Variants in FAM117B observed in about 807,000 individuals in gnomAD.
FAM117B encodes protein FAM117B.
FAM117B carries 22 observed loss-of-function variants against 52.8 expected under a neutral mutation model. The observed-to-expected ratio is 0.42, with a 90% CI of 0.30 to 0.59. FAM117B has a LOEUF of 0.59. FAM117B is among the 20% of genes least tolerant of loss of function. The pLI, the probability that FAM117B is intolerant of heterozygous loss-of-function variation, is 0.22. For missense variants in FAM117B, 678 were observed against 802.6 expected (o/e 0.84, Z 1.88); for synonymous variants, 309 against 324.1 (o/e 0.95, Z 0.50).
At chr2:202,658,442 A>G (rs2105760096) in intron 1 of FAM117B, among the ~76,000 whole-genome samples, 1 of 152,152 alleles carries the variant, frequency 6.6e-6, no homozygotes, top group African/African-American at 2.4e-5. Flanking sequence ...TCCTGGGACT[A>G]CAGGCATGAG....
At chr2:202,751,180 G>A (rs543454107) in intron 4 of FAM117B, among the ~76,000 whole-genome samples, 3 of 152,250 alleles carry the variant, frequency 2.0e-5, no homozygotes, top group African/African-American at 7.2e-5. Flanking sequence ...CCTAAAAATT[G>A]CATCATTCTT....
intron 2 of FAM117B, among the ~76,000 whole-genome samples, chr2:202,713,402 A>G (rs1690987150): frequency 6.6e-6 from 1 of 152,048 alleles, no homozygotes; most frequent in Non-Finnish European, 1.5e-5. Context: ...GATTTTATTT[A>G]TTTAGATCTC....
intron 4 of FAM117B, among the ~76,000 whole-genome samples, chr2:202,730,093 T>C (rs1445712910): frequency 6.6e-6 from 1 of 152,224 alleles, no homozygotes; most frequent in Non-Finnish European, 1.5e-5. Context: ...AATAGTTGAA[T>C]TCTATTAAAA....
rs1454045289 is a variant in FAM117B, at chr2:202,720,906, C to G, written c.754-4011C>G. 3.3e-5 allele frequency among the ~76,000 whole-genome samples: 5 copies of G among 152,274 alleles called. No homozygotes were observed. The East Asian group carries it at 9.6e-4, about 29-fold the overall frequency. On this transcript the variant is annotated intron_variant, in intron 2 of 7. Coordinates refer to ENST00000392238, the MANE Select transcript of FAM117B (RefSeq NM_173511.4). ...TTTCACTTCCATTGATGATCCTTGC[C>G]TACTTCAGTTGTTTTCTTGGAGGTT...
In FAM117B at chr2:202,676,681, T is replaced by A. The variant is rs924061756; in HGVS notation, c.602-19200T>A. ...ATGTGGGCCACCGCGCCTGGTCAGA[T>A]GTTCATTGTTTTAAGCCACTAAGTT... is the stretch of plus-strand genomic sequence containing the variant. On this transcript the variant is annotated intron_variant, in intron 1 of 7. Coordinates refer to ENST00000392238, the MANE Select transcript of FAM117B (RefSeq NM_173511.4). 6.6e-5 allele frequency among the ~76,000 whole-genome samples: 10 copies of A among 152,280 alleles called. No homozygotes were observed. In the South Asian group the frequency reaches 2.1e-3, roughly 32 times the overall value.
At chr2:202,759,431 C>T in intron 7 of FAM117B, 78 bp downstream of exon 7, 1 of 1,542,942 alleles carries the variant, frequency 6.5e-7, no homozygotes, top group Non-Finnish European at 8.7e-7. Context: ...ACTCTGTCAT[C>T]TAGGCTGGAC....
intron 1 of FAM117B, among the ~76,000 whole-genome samples, chr2:202,684,384 T>G (rs1438990272): frequency 6.6e-6 from 1 of 152,214 alleles, no homozygotes; most frequent in Non-Finnish European, 1.5e-5. Flanking sequence ...ACTTTCTTGC[T>G]TTTTTGTGGT....
Sources: gnomAD v4.1 joint callset for allele counts (sites outside exome capture counted in the v4.1 genomes callset) on GRCh38, gnomAD v4.1.1 for gene constraint, MANE v1.5 for transcripts, NCBI Gene and HGNC (gene_info 2026-07-23, HGNC 2026-07-21) for gene names.